SFMBT2: variants seen among roughly 807,000 people sequenced by gnomAD.
The protein encoded by SFMBT2 is Scm like with four mbt domains 2.
Under a neutral mutation model 110.1 loss-of-function variants are expected in SFMBT2, and 38 were observed. The observed-to-expected ratio is 0.35, with a 90% confidence interval of 0.27 to 0.45. The LOEUF is 0.45. Among genes scored for constraint, SFMBT2 ranks in the 20% least tolerant of loss-of-function variants. The pLI, the probability that SFMBT2 is intolerant of heterozygous loss-of-function variation, is 1.00. For synonymous variants in SFMBT2, 425 were observed against 425.4 expected (o/e 1.00, Z 0.01); for missense variants, 1,011 against 1,094.9 (o/e 0.92, Z 1.08).
chr10:7,251,184 A>G (rs1056678949), intron 7 of SFMBT2, among the ~76,000 whole-genome samples: 3 of 142,106 alleles, frequency 2.1e-5, no homozygotes, highest in Non-Finnish European at 4.7e-5. Flanking sequence ...AAAAAAAAAG[A>G]TTAAAAGTGG....
chr10:7,278,901 A>C (rs1181442612), intron 6 of SFMBT2, among the ~76,000 whole-genome samples: 1 of 151,986 alleles, frequency 6.6e-6, no homozygotes, highest in African/African-American at 2.4e-5. Flanking sequence ...AACATGGTGA[A>C]ACCTCACTTC....
chr10:7,370,333 T>C lies in SFMBT2; in HGVS notation c.143A>G (p.Glu48Gly). 6.2e-7 allele frequency: 1 copy of C among 1,614,038 alleles called. No homozygotes were observed. The highest frequency in any genetic ancestry group is 8.5e-7 in the Non-Finnish European group (1 of 1,179,984). The change falls in exon 3 of 21, where the codon GAA becomes GGA. Residue 48 changes from glutamate to glycine, a missense_variant. Glu to Gly is a moderately conservative substitution (Grantham distance 98). Transcript: ENST00000397167. ...SLEETGFNWG[E>G]YLEETGASAA... ...ACTTGCTCCTGTCTCTTCCAAATAT[T>C]CTCCCCAGTTAAAGCCAGTTTCCTC...
intron 2 of SFMBT2, among the ~76,000 whole-genome samples, chr10:7,380,657 T>TC (rs1564467501): frequency 1.3e-5 from 2 of 151,870 alleles, no homozygotes; most frequent in Non-Finnish European, 2.9e-5. Flanking sequence ...TGCAACCCTT[T>TC]TTTTTTTAAA....
At chr10:7,173,181 G>GT (rs1159492516) in intron 17 of SFMBT2, among the ~76,000 whole-genome samples, 3 of 152,222 alleles carry the variant, frequency 2.0e-5, no homozygotes, top group Admixed American at 1.3e-4. Context: ...GTATGTTGTT[G>GT]TAAGCCAGAG....
chr10:7,310,172 C>G (rs1842809626), intron 4 of SFMBT2, among the ~76,000 whole-genome samples: 1 of 152,190 alleles, frequency 6.6e-6, no homozygotes, highest in South Asian at 2.1e-4. Flanking sequence ...TTTCAAACAT[C>G]TATATTAACT....
chr10:7,250,614 T>C (rs573605751), intron 7 of SFMBT2, among the ~76,000 whole-genome samples: 57 of 152,286 alleles, frequency 3.7e-4, no homozygotes, highest in Non-Finnish European at 6.3e-4. Context: ...ACCAGTGAGA[T>C]TGCTGGGTTG....
In SFMBT2 at chr10:7,370,362, G is replaced by A. The variant is rs141739955; in HGVS notation, c.114C>T (p.Ser38=). The A allele has an allele frequency of 2.4e-5, 38 of 1,613,934 alleles. No homozygotes were observed. The highest frequency in any genetic ancestry group is 3.2e-5 in the Non-Finnish European group (38 of 1,179,958). Residue 38 remains serine, a synonymous_variant, in exon 3 of 21, where the codon AGC becomes AGT. Transcript: ENST00000397167. ...NGDLDSEEGS[S]LEETGFNWGE... is the part of the protein sequence containing the mutation. Reference sequence around the variant, plus strand: ...CCCAGTTAAAGCCAGTTTCCTCCAAGCTTGAGCCTTCTTCTGTTGAAAAAC... The same window carrying A: ...CCCAGTTAAAGCCAGTTTCCTCCAAACTTGAGCCTTCTTCTGTTGAAAAAC...
chr10:7,266,977 C>CAA (rs1288326571), intron 7 of SFMBT2, among the ~76,000 whole-genome samples: 1 of 152,116 alleles, frequency 6.6e-6, no homozygotes, highest in Admixed American at 6.5e-5. Flanking sequence ...TAGCTTATAC[C>CAA]AATCTAAAAC....
At chr10:7,337,497 A>G (rs114774563) in intron 4 of SFMBT2, among the ~76,000 whole-genome samples, 1,647 of 152,224 alleles carry the variant, frequency 0.011, 22 homozygotes, top group African/African-American at 0.037. Context: ...GTGAGTTATC[A>G]TGAGATCTGG....
rs1373777486 is a variant in SFMBT2, at chr10:7,383,693, T to G, written c.-51-1744A>C. Reference sequence around the variant, plus strand: ...CTTGACTAAGCCAAGGGAATGACAGTGCAACAGAGAAGGCCCCTGTCAATG... The same window carrying G: ...CTTGACTAAGCCAAGGGAATGACAGGGCAACAGAGAAGGCCCCTGTCAATG... On this transcript the variant is annotated intron_variant, in intron 1 of 20. Coordinates refer to ENST00000397167, the MANE Select transcript of SFMBT2 (RefSeq NM_001387889.1). Among the ~76,000 whole-genome samples, 3 of 152,156 alleles carry G rather than the reference T, an allele frequency of 2.0e-5. No homozygotes were observed. In the East Asian group the frequency reaches 5.8e-4, roughly 29 times the overall value.
At chr10:7,192,132 G>A (rs549213276) in intron 15 of SFMBT2, among the ~76,000 whole-genome samples, 18 of 152,140 alleles carry the variant, frequency 1.2e-4, no homozygotes, top group African/African-American at 2.9e-4. Context: ...ACACCCACCC[G>A]TAAGCCTGGC....
intron 15 of SFMBT2, among the ~76,000 whole-genome samples, chr10:7,195,085 C>T (rs1043798136): frequency 2.6e-5 from 4 of 152,226 alleles, no homozygotes; most frequent in Admixed American, 2.6e-4. Context: ...CTATCACTCA[C>T]AACAAAAACA....
intron 10 of SFMBT2, among the ~76,000 whole-genome samples, chr10:7,221,048 G>A (rs1425910962): frequency 6.6e-6 from 1 of 151,282 alleles, no homozygotes; most frequent in African/African-American, 2.4e-5. Context: ...GGATGGTCTC[G>A]ATCTCCTGGC....
At chr10:7,176,346 T>A in intron 16 of SFMBT2, 181 bp from the exon 17 acceptor site, 1 of 557,764 alleles carries the variant, frequency 1.8e-6, no homozygotes, top group Non-Finnish European at 2.3e-6. Flanking sequence ...CTCACTAGTG[T>A]GCAACAAATG....
intron 16 of SFMBT2, among the ~76,000 whole-genome samples, chr10:7,181,533 G>C (rs1344609294): frequency 6.6e-6 from 1 of 152,162 alleles, no homozygotes; most frequent in Non-Finnish European, 1.5e-5. Flanking sequence ...GTATGAGATT[G>C]TTTCAAAAGC....
At chr10:7,179,143 A>G (rs1340793075) in intron 16 of SFMBT2, among the ~76,000 whole-genome samples, 2 of 152,124 alleles carry the variant, frequency 1.3e-5, no homozygotes, top group Non-Finnish European at 2.9e-5. Flanking sequence ...TTCATATCCC[A>G]GCCCCTGGGT....
intron 11 of SFMBT2, chr10:7,206,301 G>A: frequency 1.0e-6 from 1 of 985,406 alleles, no homozygotes; most frequent in Non-Finnish European, 1.2e-6. Context: ...ACAGCTCTGG[G>A]GTTAAGGGAA....
intron 1 of SFMBT2, among the ~76,000 whole-genome samples, chr10:7,391,942 T>A (rs1019771315): frequency 6.6e-6 from 1 of 152,230 alleles, no homozygotes; most frequent in Non-Finnish European, 1.5e-5. Flanking sequence ...GGTCATGTAT[T>A]TACCATGCCT....
At chr10:7,388,321 A>G (rs1341202530) in intron 1 of SFMBT2, among the ~76,000 whole-genome samples, 1 of 146,262 alleles carries the variant, frequency 6.8e-6, no homozygotes, top group Non-Finnish European at 1.5e-5. Context: ...CAGGCAAACA[A>G]AGAAGGATGA....
Sources: allele counts gnomAD v4.1 joint callset (sites outside exome capture counted in the v4.1 genomes callset), GRCh38; gene constraint gnomAD v4.1.1; transcripts MANE v1.5; gene names NCBI Gene and HGNC (gene_info 2026-07-23, HGNC 2026-07-21).